Variants in AP1S2 observed in about 807,000 individuals in gnomAD.
The protein encoded by AP1S2 is AP-1 complex subunit sigma-2.
A neutral mutation model predicts 14.3 loss-of-function variants in AP1S2; 1 was observed. That is an observed-to-expected ratio of 0.07 (90% confidence interval 0.02 to 0.33). The LOEUF is 0.33. Ranked by LOEUF, AP1S2 falls within the 10% of genes least tolerant of loss-of-function variation. AP1S2 has a pLI of 0.99. For synonymous variants in AP1S2, 30 were observed against 40.5 expected (o/e 0.74, Z 0.99); for missense variants, 30 against 117.7 (o/e 0.25, Z 3.45).
intron 2 of AP1S2, among the ~76,000 whole-genome samples, chrX:15,846,905 G>T (rs1934016376): frequency 8.9e-6 from 1 of 112,008 alleles, no homozygotes; most frequent in African/African-American, 3.2e-5. Context: ...ATCATGTTAT[G>T]CTTGACCCAA....
chrX:15,829,033 A>G (rs1230685370), intron 4 of AP1S2, among the ~76,000 whole-genome samples: 1 of 111,778 alleles, frequency 8.9e-6, no homozygotes, highest in African/African-American at 3.3e-5. Context: ...CAAACTGACA[A>G]GATGTCTAGG....
intron 2 of AP1S2, 139 bp from the exon 3 acceptor site, chrX:15,846,150 G>C: frequency 2.1e-6 from 1 of 486,189 alleles, no homozygotes; most frequent in South Asian, 3.3e-5. Flanking sequence ...TTTTCTCATA[G>C]ACTACAAAAG....
chrX:15,841,860 A>G (rs1229727492), intron 4 of AP1S2, among the ~76,000 whole-genome samples: 1 of 111,166 alleles, frequency 9.0e-6, no homozygotes, highest in Non-Finnish European at 1.9e-5. Flanking sequence ...AAGACAATAC[A>G]TAACTGGGGT....
intron 4 of AP1S2, chrX:15,832,156 T>G (rs1933455524): frequency 1.3e-6 from 1 of 744,591 alleles, no homozygotes; most frequent in Admixed American, 8.9e-5. Flanking sequence ...CTCTCCAGAT[T>G]TGAGTGTCTA....
intron 2 of AP1S2, among the ~76,000 whole-genome samples, chrX:15,849,547 T>C (rs1934104523): frequency 8.9e-6 from 1 of 111,953 alleles, no homozygotes; most frequent in South Asian, 3.7e-4. Context: ...AATAAAGCTG[T>C]TTTTTTTAAA....
chrX:15,833,734 A>G (rs1051866252), intron 4 of AP1S2, among the ~76,000 whole-genome samples: 4 of 111,714 alleles, frequency 3.6e-5, no homozygotes, highest in African/African-American at 1.3e-4. Flanking sequence ...AAGAAAGTAG[A>G]TTCAATTATA....
At chrX:15,834,481 A>AAT (rs1555902841) in intron 4 of AP1S2, among the ~76,000 whole-genome samples, 405 of 12,932 alleles carry the variant, frequency 0.031, 7 homozygotes, top group Non-Finnish European at 0.037. Flanking sequence ...TATATATATA[A>AAT]TTTTTTTTTT....
chrX:15,854,644 C>A (rs1385501936), intron 1 of AP1S2, 44 bp downstream of exon 1: 4 of 592,597 alleles, frequency 6.7e-6, no homozygotes, highest in Non-Finnish European at 8.1e-6. Context: ...CTCCCTCCCC[C>A]TCTCCCCCAT....
Position 15,854,745 on chromosome X carries a change from G to A in AP1S2, c.-58C>T. The A allele has an allele frequency of 1.2e-6, 1 of 808,370 alleles. No individual in the cohort carries two copies. The highest frequency in any genetic ancestry group is 4.1e-5 in the South Asian group (1 of 24,238). The allele number at this position is 808,370 out of a possible 1,213,427, so 66.6% of individuals were successfully genotyped here. A position where few individuals can be genotyped will look rare whatever the true frequency, so the allele number is the denominator to read the frequency against. ...GGCCGGCGGCGGCGGCGGCGGCGAA[G>A]GGGAAGCCCCTGTCGCCGTGCTGAG... On this transcript the variant is annotated 5_prime_UTR_variant, in exon 1 of 6. Coordinates refer to ENST00000672987, the MANE Select transcript of AP1S2 (RefSeq NM_001272071.2).
rs147089371 is a variant in AP1S2 at position 15,846,193 on chromosome X, T to C, written c.180-182A>G. ...CGCATAACAGAAATTTTGAAAAGCA[T>C]AGGCAAGTATAAAGAAAAAATCAAA... On this transcript the variant is annotated intron_variant, in intron 2 of 5. Transcript: ENST00000672987. Among the ~76,000 whole-genome samples the C allele has an allele frequency of 3.4e-3, 386 of 112,218 alleles. 5 individuals are homozygous for C. Among genetic ancestry groups the C allele is most frequent in the African/African-American group, 0.012 (368 of 30,993 alleles).
In AP1S2 at chrX:15,845,954, G is replaced by T. The variant is rs942621863; in HGVS notation, c.237C>A (p.Thr79=). ...AIEDQDNELI[T]LEIIHRYVEL... ...CCACATAACGATGAATTATTTCCAG[G>T]GTAATTAGTTCATTGTCCTGATCCT... is the stretch of plus-strand genomic sequence containing the variant. Residue 79 remains threonine, a synonymous_variant, in exon 3 of 6, where the codon ACC becomes ACA. Coordinates refer to ENST00000672987, the MANE Select transcript of AP1S2 (RefSeq NM_001272071.2). 8.3e-7 allele frequency: 1 copy of T among 1,204,506 alleles called. No individual in the cohort carries two copies. Among genetic ancestry groups the T allele is most frequent in the Non-Finnish European group, 1.1e-6 (1 of 889,240 alleles).
chrX:15,845,868 T>C lies in AP1S2; in HGVS notation c.288+35A>G, dbSNP rs373565011. 3.4e-5 allele frequency: 37 copies of C among 1,074,955 alleles called. No homozygotes were observed. The African/African-American group carries it at 6.1e-4, about 18-fold the overall frequency. The allele number at this position is 1,074,955 out of a possible 1,213,427, so 88.6% of individuals were successfully genotyped here. On this transcript the variant is annotated intron_variant, in intron 3 of 5. Transcript: ENST00000672987. ...AGAGAAAAGGTTCCAAAATATACTA[T>C]GGCATTCAATTTCCTAAAATAAAAT...
intron 2 of AP1S2, among the ~76,000 whole-genome samples, chrX:15,851,214 C>T (rs1934165479): frequency 8.9e-6 from 1 of 112,171 alleles, no homozygotes; most frequent in Non-Finnish European, 1.9e-5. Context: ...TTAATAAGAC[C>T]AAACGAAACA....
Position 15,847,126 on chromosome X carries a change from C to T in AP1S2, c.180-1115G>A, listed in dbSNP as rs193271719. ...GAAAACACAATGGGCAGTTACTGCT[C>T]GTAGCATTAATGTAAAATAATACTG... is the stretch of plus-strand genomic sequence containing the variant. On this transcript the variant is annotated intron_variant, in intron 2 of 5. Transcript: ENST00000672987. 2.7e-3 allele frequency among the ~76,000 whole-genome samples: 304 copies of T among 111,644 alleles called. 3 individuals are homozygous for T. Among genetic ancestry groups the T allele is most frequent in the African/African-American group, 9.6e-3 (294 of 30,759 alleles).
intron 4 of AP1S2, among the ~76,000 whole-genome samples, chrX:15,843,741 A>C (rs1465636861): frequency 8.9e-6 from 1 of 111,905 alleles, no homozygotes; most frequent in Non-Finnish European, 1.9e-5. Context: ...TGATCAAGGG[A>C]AGACCTATAT....
At chrX:15,831,140 A>G in intron 4 of AP1S2, 1 of 735,898 alleles carries the variant, frequency 1.4e-6, no homozygotes, top group Non-Finnish European at 1.6e-6. Context: ...GCTTATTTTG[A>G]CCTAGCACTT....
intron 4 of AP1S2, chrX:15,833,613 G>A: frequency 1.8e-6 from 1 of 541,564 alleles, no homozygotes; most frequent in Non-Finnish European, 2.3e-6. Context: ...AGACTTCTAG[G>A]GTCTGAAAAA....
At chrX:15,838,626 G>A (rs1190971427) in intron 4 of AP1S2, among the ~76,000 whole-genome samples, 1 of 110,516 alleles carries the variant, frequency 9.0e-6, no homozygotes, top group Admixed American at 9.6e-5. Context: ...AATAGAAATA[G>A]CAAGCGGAAA....
At chrX:15,851,218 C>T (rs1404385253) in intron 2 of AP1S2, among the ~76,000 whole-genome samples, 1 of 112,350 alleles carries the variant, frequency 8.9e-6, no homozygotes, top group African/African-American at 3.2e-5. Context: ...TAAGACCAAA[C>T]GAAACACTGG....
Sources: allele counts gnomAD v4.1 joint callset (sites outside exome capture counted in the v4.1 genomes callset), GRCh38; gene constraint gnomAD v4.1.1; transcripts MANE v1.5; gene names NCBI Gene and HGNC (gene_info 2026-07-23, HGNC 2026-07-21).